The following PRH1 variants were observed in gnomAD, a reference collection of about 807,000 sequenced individuals.
The protein encoded by PRH1 is salivary acidic proline-rich phosphoprotein 1/2.
In PRH1, 7 loss-of-function variants were observed where a neutral mutation model predicts 7.9. The ratio of observed to expected loss-of-function variants is 0.89; its 90% CI spans 0.50 to 1.67. The LOEUF is 1.67. Among genes scored for constraint, PRH1 ranks in the 40% most tolerant of loss-of-function variants. The probability of loss-of-function intolerance (pLI) is 0.00; values close to 1 mark genes in which losing one functional copy is unlikely to be tolerated. For synonymous variants in PRH1, 45 were observed against 80.8 expected, an observed-to-expected ratio of 0.56 and a Z score of 2.38; for missense variants, 109 against 223.6, an observed-to-expected ratio of 0.49 and a Z score of 3.27.
chr12:11,129,562 T>TACCAAA (rs1379355272), intron 1 of PRH1, among the ~76,000 whole-genome samples: 4 of 152,304 alleles, frequency 2.6e-5, no homozygotes, highest in Non-Finnish European at 4.4e-5. Context: ...ATCTGGCCTC[T>TACCAAA]ACCAAAACCA....
At chr12:10,924,514 A>C (rs1356229243) in intron 2 of PRH1, among the ~76,000 whole-genome samples, 1 of 152,190 alleles carries the variant, frequency 6.6e-6, no homozygotes, top group Non-Finnish European at 1.5e-5. Flanking sequence ...GATCCAACTC[A>C]ATGGCTGACA....
In PRH1 at chr12:11,093,470, A is replaced by T. The variant is rs868669434; in HGVS notation, n.124-46282T>A. 3.4e-5 allele frequency among the ~76,000 whole-genome samples: 4 copies of T among 116,330 alleles called. 1 individual carries two copies. The highest frequency in any genetic ancestry group is 8.6e-5 in the Admixed American group (1 of 11,582). 76.3% of individuals were successfully genotyped at this position (116,330 alleles called of 152,430 possible). A position where few individuals can be genotyped will look rare whatever the true frequency, so the allele number is the denominator to read the frequency against. On this transcript the variant is annotated intron_variant and non_coding_transcript_variant, in intron 1 of 4. Coordinates refer to the PRH1 transcript ENST00000541977. ...CCAAAATAAAAAATGAGTTTCCAAGAGGCTGTGCAGATGAAATTAGTCCTA... is the reference window on the plus strand; with the variant it reads ...CCAAAATAAAAAATGAGTTTCCAAGTGGCTGTGCAGATGAAATTAGTCCTA...
intron 1 of PRH1, among the ~76,000 whole-genome samples, chr12:11,017,479 T>C (rs1280054531): frequency 6.6e-6 from 1 of 151,928 alleles, no homozygotes; most frequent in Admixed American, 6.6e-5. Context: ...AAAAATCAAT[T>C]AATTAATTTA....
chr12:11,130,690 T>C (rs1240713725), intron 1 of PRH1, among the ~76,000 whole-genome samples: 2 of 152,140 alleles, frequency 1.3e-5, no homozygotes, highest in Non-Finnish European at 2.9e-5. Context: ...AGCAAATCCC[T>C]ATGGAATCAG....
At chr12:10,901,289 G>C (rs1591659965) in intron 2 of PRH1, among the ~76,000 whole-genome samples, 1 of 152,200 alleles carries the variant, frequency 6.6e-6, no homozygotes, top group Non-Finnish European at 1.5e-5. Context: ...CAAGCAGGCA[G>C]ATTTCCAGGT....
chr12:11,005,964 TTC>T (rs1458181700), intron 1 of PRH1: 44 of 152,254 alleles, frequency 2.9e-4, no homozygotes, highest in African/African-American at 1.0e-3. Flanking sequence ...ACTTTTATTT[TTC>T]TGTTTAATTT....
At chr12:11,052,807 T>C (rs980955100) in intron 1 of PRH1, among the ~76,000 whole-genome samples, 1 of 152,174 alleles carries the variant, frequency 6.6e-6, no homozygotes, top group Non-Finnish European at 1.5e-5. Flanking sequence ...TTTAGTCTTA[T>C]TGTTTTAGTG....
At chr12:10,920,053 C>T (rs1017817925) in intron 2 of PRH1, among the ~76,000 whole-genome samples, 1 of 151,876 alleles carries the variant, frequency 6.6e-6, no homozygotes, top group Non-Finnish European at 1.5e-5. Flanking sequence ...TGCCACTATA[C>T]CCAGCTACTT....
chr12:10,938,956 C>T, intron 2 of PRH1: 2 of 1,613,548 alleles, frequency 1.2e-6, no homozygotes, highest in Non-Finnish European at 1.7e-6. Context: ...TATTAGTAAG[C>T]ATTCTGAACA....
intron 1 of PRH1, among the ~76,000 whole-genome samples, chr12:11,074,274 A>C (rs1409390884): frequency 1.3e-5 from 2 of 151,418 alleles, no homozygotes; most frequent in Non-Finnish European, 3.0e-5. Context: ...GTTTTGGGGA[A>C]GGAGCATAAA....
At chr12:10,891,814 A>C (rs1949577544) in intron 2 of PRH1, 1 of 152,368 alleles carries the variant, frequency 6.6e-6, no homozygotes, top group South Asian at 2.1e-4. Flanking sequence ...CTATCAAAAG[A>C]GAAATCTCAA....
At chr12:11,147,631 G>T (rs1946907149) in intron 1 of PRH1, among the ~76,000 whole-genome samples, 1 of 152,150 alleles carries the variant, frequency 6.6e-6, no homozygotes, top group South Asian at 2.1e-4. Flanking sequence ...GTTCATTTAA[G>T]CAGTGACATC....
intron 1 of PRH1, among the ~76,000 whole-genome samples, chr12:11,154,920 G>A (rs1212453145): frequency 1.0e-5 from 1 of 95,782 alleles, no homozygotes; most frequent in Non-Finnish European, 2.5e-5. Context: ...TTTAGTCAAA[G>A]AGCGATATAT....
intron 2 of PRH1, among the ~76,000 whole-genome samples, chr12:10,917,000 C>T (rs1044923210): frequency 2.6e-5 from 4 of 152,098 alleles, no homozygotes; most frequent in African/African-American, 9.7e-5. Context: ...TGCTTGAGCC[C>T]GGAAGGCCCA....
At chr12:10,918,076 T>C (rs1949997372) in intron 2 of PRH1, among the ~76,000 whole-genome samples, 2 of 152,310 alleles carry the variant, frequency 1.3e-5, no homozygotes, top group Middle Eastern at 6.8e-3. Flanking sequence ...TGCAGGGACA[T>C]GGATGAAGCT....
At chr12:10,985,994 G>A (rs755935574) in intron 1 of PRH1, 9 of 1,613,008 alleles carry the variant, frequency 5.6e-6, no homozygotes, top group Non-Finnish European at 7.6e-6. Context: ...TCAAAAGAAA[G>A]GTGTGTTTTA....
chr12:11,171,283 G>C (rs536882515), intron 1 of PRH1: 21 of 1,009,302 alleles, frequency 2.1e-5, no homozygotes, highest in Middle Eastern at 7.2e-4. Flanking sequence ...GCCGGTCCCA[G>C]CCGTCGCTAG....
chr12:11,158,181 A>G (rs1947309952), intron 1 of PRH1, among the ~76,000 whole-genome samples: 2 of 152,144 alleles, frequency 1.3e-5, no homozygotes, highest in Non-Finnish European at 2.9e-5. Context: ...TATTAAAATA[A>G]TACATGATCT....
At chr12:11,066,972 T>C (rs1943848260) in intron 1 of PRH1, among the ~76,000 whole-genome samples, 1 of 152,210 alleles carries the variant, frequency 6.6e-6, no homozygotes, top group African/African-American at 2.4e-5. Flanking sequence ...TTTTTCAATA[T>C]GAATATAGAA....
Sources: allele counts gnomAD v4.1 joint callset (sites outside exome capture counted in the v4.1 genomes callset), GRCh38; gene constraint gnomAD v4.1.1; transcripts MANE v1.5; gene names NCBI Gene and HGNC (gene_info 2026-07-23, HGNC 2026-07-21).